RAP1GAP: variants seen among roughly 807,000 people sequenced by gnomAD.
The protein encoded by RAP1GAP is RAP1 GTPase activating protein, also known as rap1 GTPase-activating protein 1.
In RAP1GAP, 35 loss-of-function variants were observed where a neutral mutation model predicts 87.2. That is an observed-to-expected ratio of 0.40 (90% CI 0.31 to 0.53). RAP1GAP has a LOEUF of 0.53. RAP1GAP is among the 20% of genes least tolerant of loss of function. The pLI is 0.48. For missense variants in RAP1GAP, 734 were observed against 898.9 expected, an observed-to-expected ratio of 0.82 and a Z score of 2.35; for synonymous variants, 375 against 363.9, an observed-to-expected ratio of 1.03 and a Z score of -0.35.
chr1:21,612,937 T>C, intron 10 of RAP1GAP: 1 of 568,238 alleles, frequency 1.8e-6, no homozygotes, highest in African/African-American at 1.9e-5. Flanking sequence ...GAGGCCAGCC[T>C]CTAAGGCAGA....
chr1:21,625,651 T>A (rs1250001740), intron 3 of RAP1GAP, among the ~76,000 whole-genome samples: 1 of 152,224 alleles, frequency 6.6e-6, no homozygotes, highest in Admixed American at 6.5e-5. Context: ...CATTAAGTAC[T>A]CTCTTAGTAC....
chr1:21,597,923 G>A, intron 23 of RAP1GAP, 38 bp downstream of exon 23: 2 of 1,540,490 alleles, frequency 1.3e-6, no homozygotes, highest in African/African-American at 2.7e-5. Context: ...CTCCCGGGTG[G>A]GGCTCCCTCA....
chr1:21,651,828 C>T (rs998774885), intron 1 of RAP1GAP: 2 of 1,199,258 alleles, frequency 1.7e-6, no homozygotes, highest in Non-Finnish European at 2.1e-6. Flanking sequence ...CTCATGGTGC[C>T]GCCGCCGCCG....
chr1:21,627,039 C>T (rs939941486), intron 2 of RAP1GAP: 1 of 455,970 alleles, frequency 2.2e-6, no homozygotes, highest in Non-Finnish European at 4.4e-6. Context: ...GGACTCTCTG[C>T]CCACACCACA....
rs555890863 is a variant in RAP1GAP at position 21,601,852 on chromosome 1, G to A, written c.1539-55C>T. ...TTCAGCACCAGGCCTGGCATCAGGC[G>A]TAGCGTGAGGCCCAGGCGGTGAGGG... On this transcript the variant is annotated intron_variant, in intron 19 of 24. Coordinates refer to ENST00000374765, the MANE Select transcript of RAP1GAP (RefSeq NM_002885.4). 4.3e-4 allele frequency: 537 copies of A among 1,249,228 alleles called. 5 individuals are homozygous for A. In the East Asian group the frequency reaches 7.9e-3, roughly 18 times the overall value. The allele number at this position is 1,249,228 out of a possible 1,614,324, so 77.4% of individuals were successfully genotyped here. A position where few individuals can be genotyped will look rare whatever the true frequency, so the allele number is the denominator to read the frequency against.
At chr1:21,631,809 A>G (rs1485607990) in intron 2 of RAP1GAP, among the ~76,000 whole-genome samples, 1 of 152,188 alleles carries the variant, frequency 6.6e-6, no homozygotes, top group Non-Finnish European at 1.5e-5. Context: ...CACAATGGGA[A>G]AGGGCAGGGC....
intron 2 of RAP1GAP, among the ~76,000 whole-genome samples, chr1:21,639,919 G>A (rs1031836160): frequency 2.6e-5 from 4 of 152,242 alleles, no homozygotes; most frequent in Admixed American, 6.5e-5. Flanking sequence ...GAGGGAAAGC[G>A]CTTGTGTCGC....
At chr1:21,602,108 G>C (rs951136245) in intron 19 of RAP1GAP, among the ~76,000 whole-genome samples, 2 of 152,328 alleles carry the variant, frequency 1.3e-5, no homozygotes, top group Middle Eastern at 3.4e-3. Context: ...GCAGTGCCAA[G>C]ACCTGAACCC....
chr1:21,658,383 T>C (rs2096949111), intron 1 of RAP1GAP, among the ~76,000 whole-genome samples: 1 of 150,298 alleles, frequency 6.7e-6, no homozygotes, highest in African/African-American at 2.5e-5. Context: ...GCCTGACCAA[T>C]ATGGTGAAAC....
chr1:21,651,494 A>T, intron 1 of RAP1GAP: 2 of 643,042 alleles, frequency 3.1e-6, no homozygotes, highest in Non-Finnish European at 6.0e-6. Context: ...CGCCACTATC[A>T]TGTGCTTAGA....
intron 1 of RAP1GAP, among the ~76,000 whole-genome samples, chr1:21,658,805 T>C (rs753030026): frequency 1.3e-5 from 2 of 151,766 alleles, no homozygotes; most frequent in Non-Finnish European, 2.9e-5. Context: ...TCTTGTGGTG[T>C]GGTCATGCCA....
chr1:21,633,696 GAGA>G (rs2094206576), intron 2 of RAP1GAP, among the ~76,000 whole-genome samples: 1 of 152,142 alleles, frequency 6.6e-6, no homozygotes, highest in Non-Finnish European at 1.5e-5. Context: ...ATACAGGGCA[GAGA>G]AGAATTTTTT....
chr1:21,605,983 T>A (rs972666343), intron 18 of RAP1GAP, 83 bp downstream of exon 18: 2 of 1,406,408 alleles, frequency 1.4e-6, no homozygotes, highest in Admixed American at 4.3e-5. Context: ...ACAGAGAGAG[T>A]TGGAGTCAGG....
chr1:21,614,022 A>G lies in RAP1GAP; in HGVS notation c.359T>C (p.Val120Ala). Residue 120 changes from valine (V) to alanine (A), a missense_variant, in exon 8 of 25, where the codon GTC (valine) becomes GCC (alanine). Physicochemically the swap from Val to Ala is moderately conservative, Grantham distance 64 (BLOSUM62 0). This residue lies in a region of RAP1GAP where 485 missense variants were observed against 646.2 expected (regional missense o/e 0.75). Coordinates refer to ENST00000374765, the MANE Select transcript of RAP1GAP (RefSeq NM_002885.4). Reference protein sequence around the residue: ...GHLVFSLKYDVIGDQEHLRLL... With the variant: ...GHLVFSLKYDAIGDQEHLRLL... ...CCGCAGGTGCTCTTGGTCCCCGATG[A>G]CATCGTACTTGAGTGAGAAGACAAG... 6.2e-7 allele frequency: 1 copy of G among 1,612,782 alleles called. No individual in the cohort carries two copies. Among genetic ancestry groups the G allele is most frequent in the Non-Finnish European group, 8.5e-7 (1 of 1,179,248 alleles).
intron 17 of RAP1GAP, among the ~76,000 whole-genome samples, chr1:21,607,978 C>A (rs1298817331): frequency 6.6e-6 from 1 of 151,904 alleles, no homozygotes; most frequent in Non-Finnish European, 1.5e-5. Flanking sequence ...TGTCAATCAG[C>A]CCCAGTCCGG....
intron 1 of RAP1GAP, among the ~76,000 whole-genome samples, chr1:21,653,482 C>G (rs546022506): frequency 6.6e-6 from 1 of 152,140 alleles, no homozygotes; most frequent in East Asian, 1.9e-4. Flanking sequence ...AGGAATCACA[C>G]CAGGGCAGGC....
chr1:21,614,975 G>GT (rs760916234), intron 7 of RAP1GAP, among the ~76,000 whole-genome samples: 34 of 152,338 alleles, frequency 2.2e-4, no homozygotes, highest in Middle Eastern at 3.4e-3. Context: ...ACCAGTGAAT[G>GT]TGCCCCACGA....
chr1:21,637,268 C>T (rs2094908232), intron 2 of RAP1GAP, among the ~76,000 whole-genome samples: 1 of 151,518 alleles, frequency 6.6e-6, no homozygotes, highest in Non-Finnish European at 1.5e-5. Flanking sequence ...GCAAGCCTCC[C>T]ACCTCAGCCT....
chr1:21,663,653 G>T (rs1362267842), intron 1 of RAP1GAP, among the ~76,000 whole-genome samples: 1 of 152,166 alleles, frequency 6.6e-6, no homozygotes, highest in East Asian at 1.9e-4. Flanking sequence ...CAGGGTACTG[G>T]GGTGGCTTTC....
Sources: gnomAD v4.1 joint callset for allele counts (sites outside exome capture counted in the v4.1 genomes callset) on GRCh38, gnomAD v4.1.1 for gene constraint, gnomAD v4.1.1 regional missense constraint, MANE v1.5 for transcripts, NCBI Gene and HGNC (gene_info 2026-07-23, HGNC 2026-07-21) for gene names.